LAMA1: variants seen among roughly 807,000 people sequenced by gnomAD.
LAMA1 encodes laminin subunit alpha 1.
In LAMA1, 219 loss-of-function variants were observed where a neutral mutation model predicts 348.7. The ratio of observed to expected loss-of-function variants is 0.63; its 90% CI spans 0.56 to 0.70. LAMA1 has a LOEUF of 0.70. Ranked by LOEUF, LAMA1 falls within the 30% of genes least tolerant of loss-of-function variation. The pLI, the probability that LAMA1 is intolerant of heterozygous loss-of-function variation, is 0.00. For synonymous variants in LAMA1, 1,487 were observed against 1,491.0 expected, an observed-to-expected ratio of 1.00 and a Z score of 0.06; for missense variants, 3,744 against 3,888.0, an observed-to-expected ratio of 0.96 and a Z score of 0.99.
rs1193279954 is a variant in LAMA1 at position 7,008,617 on chromosome 18, C to A, written c.4002-9G>T. Reference sequence around the variant, plus strand: ...TTGAAATGTCTGAGATTCTGTGCAGCCATCATGTTAAGAGAGGAAACGCTA... The same window carrying A: ...TTGAAATGTCTGAGATTCTGTGCAGACATCATGTTAAGAGAGGAAACGCTA... On this transcript the variant is annotated splice_polypyrimidine_tract_variant and intron_variant, in intron 27 of 62. Coordinates refer to ENST00000389658, the MANE Select transcript of LAMA1 (RefSeq NM_005559.4). The A allele has an allele frequency of 6.2e-7, 1 of 1,613,734 alleles. No homozygotes were observed.
At chr18:7,116,751 T>G (rs2058358032) in intron 1 of LAMA1, among the ~76,000 whole-genome samples, 1 of 152,236 alleles carries the variant, frequency 6.6e-6, no homozygotes, top group Non-Finnish European at 1.5e-5. Flanking sequence ...TGACTAGGGT[T>G]GTCCCCCAAA....
At chr18:7,104,340 T>C (rs528422126) in intron 1 of LAMA1, among the ~76,000 whole-genome samples, 1 of 152,312 alleles carries the variant, frequency 6.6e-6, no homozygotes, top group South Asian at 2.1e-4. Context: ...TCAACAAATA[T>C]TTACAGAATC....
chr18:7,011,788 TGG>T, intron 24 of LAMA1, among the ~76,000 whole-genome samples: 1 of 152,324 alleles, frequency 6.6e-6, no homozygotes, highest in Non-Finnish European at 1.5e-5. Flanking sequence ...AGGAACAACA[TGG>T]ACAGCCTTTA....
chr18:7,047,098 G>A, intron 5 of LAMA1, among the ~76,000 whole-genome samples: 1 of 148,914 alleles, frequency 6.7e-6, no homozygotes, highest in East Asian at 2.0e-4. Context: ...AGGCTGGAGT[G>A]CAGTGGCGCG....
At chr18:6,992,947 C>G (rs1419722606) in intron 35 of LAMA1, among the ~76,000 whole-genome samples, 1 of 152,178 alleles carries the variant, frequency 6.6e-6, no homozygotes, top group Non-Finnish European at 1.5e-5. Flanking sequence ...TCTCATGCAC[C>G]AATAAACTCC....
intron 60 of LAMA1, among the ~76,000 whole-genome samples, chr18:6,947,569 C>T (rs1474108164): frequency 6.6e-6 from 1 of 152,170 alleles, no homozygotes; most frequent in Non-Finnish European, 1.5e-5. Context: ...GTGGCCCTGC[C>T]TCACCCTGTG....
rs544364492 is a variant in LAMA1, at chr18:7,059,052, A to G, written c.346-8116T>C. Among the ~76,000 whole-genome samples the G allele has an allele frequency of 2.0e-4, 31 of 152,054 alleles. 1 individual carries two copies. In the South Asian group the frequency reaches 6.0e-3, roughly 30 times the overall value. Reference sequence around the variant, plus strand: ...TTACAGGCACCTGCCACCATGCCCAACTAATTTTTGTATTTTTAGTAGAGA... The same window carrying G: ...TTACAGGCACCTGCCACCATGCCCAGCTAATTTTTGTATTTTTAGTAGAGA... On this transcript the variant is annotated intron_variant, in intron 3 of 62. Coordinates refer to ENST00000389658, the MANE Select transcript of LAMA1 (RefSeq NM_005559.4).
In LAMA1 at chr18:6,959,471, T is replaced by C; in HGVS notation, c.7648A>G (p.Ile2550Val). 2.5e-6 allele frequency: 4 copies of C among 1,614,186 alleles called. No individual in the cohort carries two copies. The highest frequency in any genetic ancestry group is 3.4e-6 in the Non-Finnish European group (4 of 1,180,042). Reference protein sequence around the residue: ...AHVPFFSVMLIGGNIEVHVNP... With the variant: ...AHVPFFSVMLVGGNIEVHVNP... ...ACATGTACCTCAATGTTGCCTCCGATCAGCATGACGGAAAAGAAGGGCTGG... is the reference window on the plus strand; with the variant it reads ...ACATGTACCTCAATGTTGCCTCCGACCAGCATGACGGAAAAGAAGGGCTGG... The change falls in exon 54 of 63, where the codon ATC (isoleucine) becomes GTC (valine). Residue 2550 changes from isoleucine to valine, a missense_variant. By Grantham distance (29) the Ile-to-Val change is conservative. Coordinates refer to ENST00000389658, the MANE Select transcript of LAMA1 (RefSeq NM_005559.4).
intron 14 of LAMA1, 144 bp downstream of exon 14, chr18:7,034,335 A>G (rs1184985074): frequency 1.0e-5 from 7 of 693,672 alleles, no homozygotes. Flanking sequence ...TATAAACTTA[A>G]TAATTCTTAA....
chr18:7,090,626 A>G (rs1462768965), intron 1 of LAMA1, among the ~76,000 whole-genome samples: 1 of 151,982 alleles, frequency 6.6e-6, no homozygotes, highest in African/African-American at 2.4e-5. Flanking sequence ...ACAGGACAAG[A>G]AAATATGTGG....
intron 28 of LAMA1, among the ~76,000 whole-genome samples, chr18:7,007,530 G>A (rs73392475): frequency 0.014 from 2,169 of 150,536 alleles, 52 homozygotes; most frequent in African/African-American, 0.05. Context: ...TACTGCTGGT[G>A]AGAATGGAAA....
intron 3 of LAMA1, among the ~76,000 whole-genome samples, chr18:7,072,039 A>T (rs964425485): frequency 6.6e-6 from 1 of 152,128 alleles, no homozygotes; most frequent in Non-Finnish European, 1.5e-5. Context: ...ATTGTTACAG[A>T]GCGAAGAGAT....
In LAMA1 at chr18:6,947,303, C is replaced by T. The variant is rs750499975; in HGVS notation, c.8711-7G>A. On this transcript the variant is annotated splice_polypyrimidine_tract_variant and splice_region_variant and intron_variant, in intron 60 of 62. Coordinates refer to ENST00000389658, the MANE Select transcript of LAMA1 (RefSeq NM_005559.4). ...ACTTTGTAGCCCTCTTTGACTGTAA[C>T]ACACAAGGAGGACCCAAGTCAGGGT... is the stretch of plus-strand genomic sequence containing the variant. The T allele has an allele frequency of 4.3e-6, 7 of 1,613,280 alleles. No individual in the cohort carries two copies. In the African/African-American group the frequency reaches 8.0e-5, roughly 18 times the overall value.
Position 7,002,347 on chromosome 18 carries a change from C to T in LAMA1, c.4299G>A (p.Val1433=). 6.2e-7 allele frequency: 1 copy of T among 1,613,814 alleles called. No individual in the cohort carries two copies. The highest frequency in any genetic ancestry group is 8.5e-7 in the Non-Finnish European group (1 of 1,180,034). The stretch of plus-strand genomic sequence containing the variant: ...CCTTCCCGTAGTAGCCAGAAGTACA[C>T]ACATCACAATGGTCACCTGCTGTGT... The part of the protein sequence containing the change: ...GDNTAGDHCD[V]CTSGYYGKVT... Residue 1433 remains valine, a synonymous_variant, in exon 30 of 63, where the codon GTG becomes GTA. Transcript: ENST00000389658.
At chr18:6,970,885 T>C (rs2057655382) in intron 48 of LAMA1, among the ~76,000 whole-genome samples, 1 of 152,150 alleles carries the variant, frequency 6.6e-6, no homozygotes. Flanking sequence ...AGTGCTGGGA[T>C]TACAGGCGTG....
At chr18:7,005,356 T>C (rs1010349412) in intron 29 of LAMA1, among the ~76,000 whole-genome samples, 3 of 152,240 alleles carry the variant, frequency 2.0e-5, no homozygotes, top group Non-Finnish European at 2.9e-5. Flanking sequence ...TGCCCAAAGA[T>C]GAGCAGAGCT....
intron 6 of LAMA1, among the ~76,000 whole-genome samples, chr18:7,045,621 T>C (rs1028666649): frequency 2.0e-5 from 3 of 152,158 alleles, no homozygotes; most frequent in African/African-American, 7.2e-5. Flanking sequence ...TGCAGCAGCA[T>C]GATCTCAGCT....
At chr18:7,098,968 A>G (rs958442811) in intron 1 of LAMA1, among the ~76,000 whole-genome samples, 2 of 152,028 alleles carry the variant, frequency 1.3e-5, no homozygotes, top group Admixed American at 6.6e-5. Flanking sequence ...TGGGAGGTGT[A>G]CTCAACAGCT....
intron 14 of LAMA1, 37 bp from the exon 15 acceptor site, chr18:7,033,132 C>A: frequency 7.2e-7 from 1 of 1,380,408 alleles, no homozygotes; most frequent in Non-Finnish European, 1.0e-6. Context: ...CTCACACGCT[C>A]GCAAATACAT....
Sources: gnomAD v4.1 joint callset for allele counts (sites outside exome capture counted in the v4.1 genomes callset) on GRCh38, gnomAD v4.1.1 for gene constraint, MANE v1.5 for transcripts, NCBI Gene and HGNC (gene_info 2026-07-23, HGNC 2026-07-21) for gene names.